The following COL14A1 variants were observed in gnomAD, a reference collection of about 807,000 sequenced individuals.
The protein encoded by COL14A1 is collagen alpha-1(XIV) chain.
COL14A1 carries 136 observed loss-of-function variants against 230.3 expected under a neutral mutation model. The observed-to-expected ratio is 0.59, with a 90% CI of 0.51 to 0.68. COL14A1 has a LOEUF of 0.68. COL14A1 is among the 30% of genes least tolerant of loss of function. The pLI is 0.00. For missense variants in COL14A1, 1,976 were observed against 2,215.8 expected (o/e 0.89, Z 2.17); for synonymous variants, 792 against 784.1 (o/e 1.01, Z -0.17).
At chr8:120,231,035 G>T (rs1818251497) in intron 18 of COL14A1, among the ~76,000 whole-genome samples, 1 of 152,182 alleles carries the variant, frequency 6.6e-6, no homozygotes, top group African/African-American at 2.4e-5. Context: ...GGTGAGGGCA[G>T]GTGATTGGGA....
chr8:120,163,800 C>T (rs191534103), intron 4 of COL14A1, among the ~76,000 whole-genome samples: 1 of 152,226 alleles, frequency 6.6e-6, no homozygotes, highest in Non-Finnish European at 1.5e-5. Flanking sequence ...AAGATCCACA[C>T]AGGCCCTGAT....
chr8:120,155,720 G>C (rs545993106), intron 2 of COL14A1, among the ~76,000 whole-genome samples: 2 of 152,176 alleles, frequency 1.3e-5, no homozygotes, highest in Non-Finnish European at 2.9e-5. Flanking sequence ...ATTTTACTCA[G>C]AAACTTGCAT....
chr8:120,129,654 T>C (rs1293947532), intron 1 of COL14A1, among the ~76,000 whole-genome samples: 1 of 152,248 alleles, frequency 6.6e-6, no homozygotes, highest in Non-Finnish European at 1.5e-5. Flanking sequence ...AGCCTCTCTG[T>C]GCAAACCTAT....
At chr8:120,230,789 G>A (rs541851274) in intron 18 of COL14A1, among the ~76,000 whole-genome samples, 66 of 152,298 alleles carry the variant, frequency 4.3e-4, no homozygotes, top group African/African-American at 1.5e-3. Flanking sequence ...GAAGAGAAAG[G>A]AGAATGAGAA....
chr8:120,220,474 A>G lies in COL14A1; in HGVS notation c.1737+3984A>G, dbSNP rs190893332. ...TTTTTAGTAGAGATAGGGTTTCACC[A>G]TGTTGGCCAGGATGGTCTCGATCTC... On this transcript the variant is annotated intron_variant, in intron 14 of 47. Coordinates refer to ENST00000297848, the MANE Select transcript of COL14A1 (RefSeq NM_021110.4). Among the ~76,000 whole-genome samples, 502 of 152,128 alleles carry G rather than the reference A, an allele frequency of 3.3e-3. 4 individuals are homozygous for G. Among genetic ancestry groups the G allele is most frequent in the African/African-American group, 0.01 (434 of 41,500 alleles).
chr8:120,256,822 A>G (rs1206328199), intron 23 of COL14A1, among the ~76,000 whole-genome samples: 1 of 151,962 alleles, frequency 6.6e-6, no homozygotes, highest in Non-Finnish European at 1.5e-5. Context: ...TGTAATAATC[A>G]CCCTCCCAAA....
intron 3 of COL14A1, among the ~76,000 whole-genome samples, chr8:120,161,928 G>C (rs906796813): frequency 3.9e-5 from 6 of 152,184 alleles, no homozygotes; most frequent in Non-Finnish European, 7.3e-5. Context: ...GCCTCCTAAA[G>C]TGCAAGGATT....
chr8:120,148,709 A>G (rs1815176792), intron 2 of COL14A1, among the ~76,000 whole-genome samples: 1 of 152,344 alleles, frequency 6.6e-6, no homozygotes, highest in Middle Eastern at 3.4e-3. Flanking sequence ...TAGTCTGAAC[A>G]TTATAAGGGC....
At chr8:120,136,323 T>C (rs1006081767) in intron 1 of COL14A1, among the ~76,000 whole-genome samples, 2 of 152,014 alleles carry the variant, frequency 1.3e-5, no homozygotes, top group Non-Finnish European at 2.9e-5. Context: ...TGAATGTGTA[T>C]TGAATTTTGT....
intron 4 of COL14A1, among the ~76,000 whole-genome samples, chr8:120,166,922 G>GTGTGTGTGTGTGTGT (rs1217998586): frequency 2.2e-5 from 3 of 134,410 alleles, no homozygotes; most frequent in Non-Finnish European, 3.2e-5. Flanking sequence ...GTGTGTGTGT[G>GTGTGTGTGTGTGTGT]GTGGTGATGA....
chr8:120,232,608 T>C (rs994317198), intron 19 of COL14A1, among the ~76,000 whole-genome samples: 16 of 152,308 alleles, frequency 1.1e-4, no homozygotes, highest in Non-Finnish European at 1.9e-4. Context: ...CATCCTTTTT[T>C]ATGGCTGCAT....
At chr8:120,293,542 T>C (rs1586838199) in intron 34 of COL14A1, among the ~76,000 whole-genome samples, 1 of 151,842 alleles carries the variant, frequency 6.6e-6, no homozygotes, top group South Asian at 2.1e-4. Context: ...ACTCTGTAGA[T>C]AGAGAAACTG....
chr8:120,184,001 A>T (rs964705968), intron 5 of COL14A1, among the ~76,000 whole-genome samples: 1 of 152,144 alleles, frequency 6.6e-6, no homozygotes, highest in East Asian at 1.9e-4. Context: ...CACGTTATTT[A>T]ACCTATTTAG....
chr8:120,198,843 C>T (rs187153245), intron 7 of COL14A1, among the ~76,000 whole-genome samples: 4 of 152,216 alleles, frequency 2.6e-5, no homozygotes, highest in African/African-American at 4.8e-5. Flanking sequence ...GGCAAAGTCT[C>T]GTGGAATTTT....
chr8:120,199,942 A>T (rs924053697), intron 8 of COL14A1, among the ~76,000 whole-genome samples: 1 of 144,006 alleles, frequency 6.9e-6, no homozygotes, highest in African/African-American at 2.7e-5. Flanking sequence ...TATCATTTTC[A>T]AGGAAATACG....
chr8:120,288,915 A>G (rs1021921772), intron 33 of COL14A1, among the ~76,000 whole-genome samples: 2 of 152,188 alleles, frequency 1.3e-5, no homozygotes, highest in African/African-American at 4.8e-5. Context: ...GAACTTGGAC[A>G]TAGAGTAGTT....
chr8:120,359,734 T>A (rs1270831643), intron 45 of COL14A1, among the ~76,000 whole-genome samples: 2 of 152,190 alleles, frequency 1.3e-5, no homozygotes, highest in Non-Finnish European at 2.9e-5. Context: ...GCGGCAAAAC[T>A]GGGTGAACAA....
At chr8:120,335,889 G>A (rs1283225243) in intron 42 of COL14A1, among the ~76,000 whole-genome samples, 2 of 152,176 alleles carry the variant, frequency 1.3e-5, no homozygotes, top group African/African-American at 2.4e-5. Flanking sequence ...CAGGTAGACA[G>A]GTCCAGGGTT....
intron 31 of COL14A1, among the ~76,000 whole-genome samples, chr8:120,282,784 T>C (rs1351223492): frequency 2.0e-5 from 3 of 152,082 alleles, no homozygotes; most frequent in Non-Finnish European, 4.4e-5. Flanking sequence ...GTTGGGCTCT[T>C]CAGGAAGCAG....
Sources: gnomAD v4.1 joint callset for allele counts (sites outside exome capture counted in the v4.1 genomes callset) on GRCh38, gnomAD v4.1.1 for gene constraint, MANE v1.5 for transcripts, NCBI Gene and HGNC (gene_info 2026-07-23, HGNC 2026-07-21) for gene names.